The following CSMD1 variants were observed in gnomAD, a reference collection of about 807,000 sequenced individuals.
The protein encoded by CSMD1 is CUB and sushi domain-containing protein 1.
CSMD1 carries 213 observed loss-of-function variants against 417.5 expected under a neutral mutation model. The ratio of observed to expected loss-of-function variants is 0.51; its 90% CI spans 0.46 to 0.57. The LOEUF (loss-of-function observed/expected upper bound fraction) is 0.57, where lower values mean the gene tolerates loss of function less well. Ranked by LOEUF, CSMD1 falls within the 20% of genes least tolerant of loss-of-function variation. The probability of loss-of-function intolerance (pLI) is 0.00; values close to 1 mark genes in which losing one functional copy is unlikely to be tolerated. For missense variants in CSMD1, 6,923 were observed against 4,529.7 expected (o/e 1.53, Z -15.17); for synonymous variants, 2,862 against 1,736.8 (o/e 1.65, Z -16.11).
At chr8:3,852,203 C>A (rs777402559) in intron 5 of CSMD1, among the ~76,000 whole-genome samples, 1 of 152,044 alleles carries the variant, frequency 6.6e-6, no homozygotes, top group Non-Finnish European at 1.5e-5. Context: ...TCCCTAAATT[C>A]AAGGACTGGG....
chr8:4,475,623 T>C (rs1027178281), intron 2 of CSMD1, among the ~76,000 whole-genome samples: 7 of 152,126 alleles, frequency 4.6e-5, no homozygotes, highest in African/African-American at 1.7e-4. Flanking sequence ...CTTTTTCTTT[T>C]TTCTTTTCTT....
At chr8:4,302,504 T>C (rs1027209730) in intron 3 of CSMD1, among the ~76,000 whole-genome samples, 3 of 152,154 alleles carry the variant, frequency 2.0e-5, no homozygotes, top group Admixed American at 1.3e-4. Context: ...TTGACCACAG[T>C]AGCGTGCTTG....
At chr8:4,337,531 AT>A (rs918780265) in intron 3 of CSMD1, among the ~76,000 whole-genome samples, 1 of 152,140 alleles carries the variant, frequency 6.6e-6, no homozygotes, top group African/African-American at 2.4e-5. Flanking sequence ...TCGTAACATT[AT>A]TTTTAAAAAT....
chr8:4,876,619 T>C (rs954079338), intron 1 of CSMD1, among the ~76,000 whole-genome samples: 12 of 152,108 alleles, frequency 7.9e-5, no homozygotes, highest in African/African-American at 2.7e-4. Flanking sequence ...GCACATCAGT[T>C]CACAATAGGT....
chr8:3,492,315 CG>C (rs1294592758), intron 11 of CSMD1, among the ~76,000 whole-genome samples: 2 of 152,086 alleles, frequency 1.3e-5, no homozygotes, highest in African/African-American at 2.4e-5. Context: ...CCTCAGAAGC[CG>C]CCCATGGCTC....
chr8:4,002,212 T>A (rs1585112463), intron 4 of CSMD1, among the ~76,000 whole-genome samples: 1 of 151,334 alleles, frequency 6.6e-6, no homozygotes, highest in South Asian at 2.1e-4. Flanking sequence ...TGAGTGTGTG[T>A]GTGTGAGTGT....
chr8:4,178,115 G>C (rs970728749), intron 3 of CSMD1, among the ~76,000 whole-genome samples: 10 of 152,156 alleles, frequency 6.6e-5, no homozygotes, highest in African/African-American at 2.2e-4. Context: ...AAGCCTGGCA[G>C]AGACACAACC....
rs1394844483 is a variant in CSMD1, at chr8:4,005,208, G to C, written c.611-7098C>G. Among the ~76,000 whole-genome samples the C allele has an allele frequency of 2.0e-5, 3 of 152,022 alleles. No homozygotes were observed. The East Asian group carries it at 5.8e-4, about 29-fold the overall frequency. On this transcript the variant is annotated intron_variant, in intron 4 of 69. Transcript: ENST00000635120. ...GCAGTGCATACTGCACAGGTGGTGGGTGCACCATCTCAGAAATCACCACTG... is the reference window on the plus strand; with the variant it reads ...GCAGTGCATACTGCACAGGTGGTGGCTGCACCATCTCAGAAATCACCACTG...
At chr8:4,657,428 CTCTT>C (rs1422425289) in intron 1 of CSMD1, among the ~76,000 whole-genome samples, 2 of 152,140 alleles carry the variant, frequency 1.3e-5, no homozygotes, top group East Asian at 1.9e-4. Flanking sequence ...CTCTCTGTCT[CTCTT>C]TCTCACTCAC....
rs145270885 is a variant in CSMD1 at position 4,034,189 on chromosome 8, T to C, written c.416-2090A>G. On this transcript the variant is annotated intron_variant, in intron 3 of 69. Coordinates refer to ENST00000635120, the MANE Select transcript of CSMD1 (RefSeq NM_033225.6). ...TTTTTAGAATACGGAATAGGAATCATCTATTTCTAAAAGTATTTTTATTTA... is the reference window on the plus strand; with the variant it reads ...TTTTTAGAATACGGAATAGGAATCACCTATTTCTAAAAGTATTTTTATTTA... 3.9e-3 allele frequency among the ~76,000 whole-genome samples: 598 copies of C among 152,314 alleles called. 3 individuals carry two copies. The highest frequency in any genetic ancestry group is 0.014 in the African/African-American group (576 of 41,574).
chr8:3,601,100 C>G (rs1563189030), intron 8 of CSMD1, among the ~76,000 whole-genome samples: 2 of 152,180 alleles, frequency 1.3e-5, no homozygotes, highest in Non-Finnish European at 2.9e-5. Flanking sequence ...CTAGAAACCT[C>G]CATGACTCCT....
At chr8:4,471,062 T>A (rs1426827465) in intron 2 of CSMD1, among the ~76,000 whole-genome samples, 2 of 152,198 alleles carry the variant, frequency 1.3e-5, no homozygotes, top group Non-Finnish European at 1.5e-5. Context: ...TCCTCATTAA[T>A]AAATCAGTTA....
intron 10 of CSMD1, chr8:3,515,465 C>T (rs569944445): frequency 6.6e-6 from 1 of 151,962 alleles, no homozygotes; most frequent in Non-Finnish European, 1.5e-5. Flanking sequence ...GAGGAATACA[C>T]ACAATTATTT....
chr8:3,534,834 A>G (rs1244787786), intron 10 of CSMD1, among the ~76,000 whole-genome samples: 1 of 152,226 alleles, frequency 6.6e-6, no homozygotes, highest in Non-Finnish European at 1.5e-5. Flanking sequence ...CATTTTGGGA[A>G]ACGTTGCTCT....
At chr8:4,088,817 G>A (rs1000444718) in intron 3 of CSMD1, among the ~76,000 whole-genome samples, 2 of 151,990 alleles carry the variant, frequency 1.3e-5, no homozygotes, top group African/African-American at 4.8e-5. Context: ...TCAGCATGTG[G>A]ACTCATCCCT....
intron 59 of CSMD1, among the ~76,000 whole-genome samples, chr8:2,964,720 T>C (rs1258180630): frequency 6.6e-6 from 1 of 152,198 alleles, no homozygotes; most frequent in Non-Finnish European, 1.5e-5. Flanking sequence ...AGGTGCAGTA[T>C]TAAGAGTTAC....
intron 3 of CSMD1, among the ~76,000 whole-genome samples, chr8:4,309,437 A>G (rs1168396023): frequency 6.6e-6 from 1 of 150,802 alleles, no homozygotes; most frequent in African/African-American, 2.5e-5. Context: ...CAAAATTTTT[A>G]TAATTTTAAT....
intron 3 of CSMD1, among the ~76,000 whole-genome samples, chr8:4,232,180 C>T (rs895491821): frequency 1.3e-5 from 2 of 152,084 alleles, no homozygotes; most frequent in African/African-American, 4.8e-5. Flanking sequence ...TTGAGAAACA[C>T]TTGTCCTTTA....
intron 6 of CSMD1, among the ~76,000 whole-genome samples, chr8:3,718,998 G>T (rs73501420): frequency 0.042 from 6,430 of 152,098 alleles, 433 homozygotes; most frequent in African/African-American, 0.15. Flanking sequence ...CAGAACAAGG[G>T]GTGAGACAAC....
Sources: gnomAD v4.1 joint callset for allele counts (sites outside exome capture counted in the v4.1 genomes callset) on GRCh38, gnomAD v4.1.1 for gene constraint, MANE v1.5 for transcripts, NCBI Gene and HGNC (gene_info 2026-07-23, HGNC 2026-07-21) for gene names.